SGCZ: variants seen among roughly 807,000 people sequenced by gnomAD.
The protein encoded by SGCZ is zeta-sarcoglycan.
In SGCZ, 40 loss-of-function variants were observed where a neutral mutation model predicts 41.3. The ratio of observed to expected loss-of-function variants is 0.97; its 90% CI spans 0.75 to 1.26. The LOEUF is 1.26. SGCZ is among the 50% of genes most tolerant of loss of function. The pLI is 0.00. For synonymous variants in SGCZ, 206 were observed against 137.5 expected (o/e 1.50, Z -3.49); for missense variants, 552 against 369.8 (o/e 1.49, Z -4.04).
chr8:14,665,810 CAA>C (rs1807892477), intron 1 of SGCZ, among the ~76,000 whole-genome samples: 1 of 152,022 alleles, frequency 6.6e-6, no homozygotes, highest in African/African-American at 2.4e-5. Context: ...TAAAGGGTGA[CAA>C]AAGTCATATG....
intron 6 of SGCZ, among the ~76,000 whole-genome samples, chr8:14,103,510 G>C (rs532542907): frequency 4.0e-4 from 61 of 152,254 alleles, no homozygotes; most frequent in African/African-American, 1.3e-3. Context: ...ATTCAGAGTT[G>C]TTTTGCAGAA....
chr8:14,545,198 A>C (rs1223499782), intron 2 of SGCZ, among the ~76,000 whole-genome samples: 1 of 152,148 alleles, frequency 6.6e-6, no homozygotes, highest in Non-Finnish European at 1.5e-5. Flanking sequence ...ACTGAAAACT[A>C]AATTTAATTT....
chr8:14,472,429 G>C (rs889726630), intron 2 of SGCZ, among the ~76,000 whole-genome samples: 1 of 152,034 alleles, frequency 6.6e-6, no homozygotes, highest in Admixed American at 6.6e-5. Context: ...GAATAGTGGT[G>C]AGTTGATGAA....
chr8:14,833,720 T>A (rs73535030), intron 1 of SGCZ, among the ~76,000 whole-genome samples: 18,528 of 152,004 alleles, frequency 0.12, 1,933 homozygotes, highest in African/African-American at 0.28. Context: ...AGAAGCAGCA[T>A]AGTTGGGGGT....
At chr8:14,231,591 A>T (rs1360012840) in intron 4 of SGCZ, among the ~76,000 whole-genome samples, 2 of 151,974 alleles carry the variant, frequency 1.3e-5, no homozygotes, top group Non-Finnish European at 2.9e-5. Context: ...ACCAATAAAC[A>T]TGCTCTGTTC....
At chr8:14,631,445 G>A (rs1027400190) in intron 1 of SGCZ, among the ~76,000 whole-genome samples, 3 of 151,972 alleles carry the variant, frequency 2.0e-5, no homozygotes, top group Non-Finnish European at 2.9e-5. Flanking sequence ...CCATAGTGGA[G>A]GTATCTACAC....
intron 1 of SGCZ, among the ~76,000 whole-genome samples, chr8:14,734,814 A>G (rs1474988133): frequency 6.7e-6 from 1 of 149,136 alleles, no homozygotes; most frequent in Non-Finnish European, 1.5e-5. Flanking sequence ...CACTGTTACA[A>G]TAAAAATTGT....
intron 2 of SGCZ, among the ~76,000 whole-genome samples, chr8:14,470,576 A>C (rs1316959747): frequency 2.0e-5 from 3 of 152,114 alleles, no homozygotes; most frequent in Non-Finnish European, 4.4e-5. Flanking sequence ...TGCTTGAAAA[A>C]ATCATGTTTA....
chr8:14,596,618 C>A (rs1356185328), intron 1 of SGCZ, among the ~76,000 whole-genome samples: 1 of 151,998 alleles, frequency 6.6e-6, no homozygotes, highest in Non-Finnish European at 1.5e-5. Context: ...TTCAAAAACA[C>A]TGAATGATTA....
At chr8:14,556,141 TAA>T (rs1804028507) in intron 1 of SGCZ, among the ~76,000 whole-genome samples, 1 of 151,866 alleles carries the variant, frequency 6.6e-6, no homozygotes, top group Non-Finnish European at 1.5e-5. Flanking sequence ...GAATATGTCT[TAA>T]GTGTACAATT....
intron 4 of SGCZ, among the ~76,000 whole-genome samples, chr8:14,169,194 AC>A (rs1458920436): frequency 6.6e-6 from 1 of 152,130 alleles, no homozygotes; most frequent in African/African-American, 2.4e-5. Flanking sequence ...ATTTGGGGGA[AC>A]TTTTTTGCTA....
intron 1 of SGCZ, among the ~76,000 whole-genome samples, chr8:14,765,486 AT>A (rs1168258593): frequency 6.6e-6 from 1 of 152,190 alleles, no homozygotes. Context: ...ATGAAACTAA[AT>A]AAATTCTCCT....
At chr8:14,152,153 A>C (rs1803729026) in intron 5 of SGCZ, among the ~76,000 whole-genome samples, 2 of 149,896 alleles carry the variant, frequency 1.3e-5, no homozygotes, top group South Asian at 4.4e-4. Context: ...CTATGAGAGT[A>C]GGATAAAATA....
intron 4 of SGCZ, among the ~76,000 whole-genome samples, chr8:14,221,384 A>C (rs1324739230): frequency 6.6e-6 from 1 of 152,240 alleles, no homozygotes; most frequent in Non-Finnish European, 1.5e-5. Flanking sequence ...TATAATTTTC[A>C]GGAGAGGCAA....
intron 1 of SGCZ, among the ~76,000 whole-genome samples, chr8:14,755,692 T>A (rs567909211): frequency 6.6e-6 from 1 of 152,140 alleles, no homozygotes; most frequent in Non-Finnish European, 1.5e-5. Flanking sequence ...TGGCCCATGA[T>A]CTTTATTGGT....
Position 14,150,641 on chromosome 8 carries a change from C to T in SGCZ, c.547+13939G>A, listed in dbSNP as rs576335913. On this transcript the variant is annotated intron_variant, in intron 5 of 7. Coordinates refer to ENST00000382080, the MANE Select transcript of SGCZ (RefSeq NM_139167.4). The stretch of plus-strand genomic sequence containing the variant: ...TCCTCAGAAAACAAAAAAAATTGAG[C>T]TACCATATGATCCAGCAATCCTACT... Among the ~76,000 whole-genome samples, 90 of 152,094 alleles carry T rather than the reference C, an allele frequency of 5.9e-4. 1 individual carries two copies. Among genetic ancestry groups the T allele is most frequent in the African/African-American group, 2.0e-3 (81 of 41,512 alleles).
intron 1 of SGCZ, among the ~76,000 whole-genome samples, chr8:15,031,256 C>T (rs1259730693): frequency 7.2e-5 from 11 of 152,076 alleles, no homozygotes; most frequent in Admixed American, 4.6e-4. Flanking sequence ...AAGCCAAACA[C>T]AATTTCTTCT....
At chr8:14,106,277 T>G (rs1802200242) in intron 6 of SGCZ, among the ~76,000 whole-genome samples, 2 of 152,172 alleles carry the variant, frequency 1.3e-5, no homozygotes, top group African/African-American at 2.4e-5. Context: ...ACAATAAATA[T>G]TTTCACAAAA....
At chr8:14,500,032 G>A (rs1206523321) in intron 2 of SGCZ, among the ~76,000 whole-genome samples, 4 of 151,942 alleles carry the variant, frequency 2.6e-5, no homozygotes, top group Non-Finnish European at 5.9e-5. Context: ...CATTACAATT[G>A]CCTCTAGTTT....
Sources: allele counts gnomAD v4.1 joint callset (sites outside exome capture counted in the v4.1 genomes callset), GRCh38; gene constraint gnomAD v4.1.1; transcripts MANE v1.5; gene names NCBI Gene and HGNC (gene_info 2026-07-23, HGNC 2026-07-21).